The following EYA1 variants were observed in gnomAD, a reference collection of about 807,000 sequenced individuals.
The protein encoded by EYA1 is protein phosphatase EYA1.
A neutral mutation model predicts 82.0 loss-of-function variants in EYA1; 16 were observed. The ratio of observed to expected loss-of-function variants is 0.20; its 90% confidence interval spans 0.13 to 0.30. EYA1 has a LOEUF of 0.30. Ranked by LOEUF, EYA1 falls within the 10% of genes least tolerant of loss-of-function variation. The pLI is 1.00. For synonymous variants in EYA1, 261 were observed against 264.4 expected, an observed-to-expected ratio of 0.99 and a Z score of 0.12; for missense variants, 633 against 730.7, an observed-to-expected ratio of 0.87 and a Z score of 1.54.
intron 2 of EYA1, among the ~76,000 whole-genome samples, chr8:71,509,492 A>G (rs1812440127): frequency 6.6e-6 from 1 of 152,184 alleles, no homozygotes; most frequent in Admixed American, 6.5e-5. Context: ...AGCTATCCCT[A>G]AAATATATTA....
rs111888124 is a variant in EYA1 at position 71,490,222 on chromosome 8, G to A, written c.33+45522C>T. On this transcript the variant is annotated intron_variant, in intron 2 of 18. Transcript: ENST00000643681. ...TTATAAAAGTTGTGGGTGACCTTTA[G>A]TACATAATAATGCCTTAACTTTTGA... 2.4e-3 allele frequency among the ~76,000 whole-genome samples: 361 copies of A among 152,242 alleles called. 3 individuals are homozygous for A. The highest frequency in any genetic ancestry group is 8.3e-3 in the African/African-American group (343 of 41,532).
At chr8:71,353,506 T>C (rs1185846576) in intron 3 of EYA1, among the ~76,000 whole-genome samples, 1 of 152,242 alleles carries the variant, frequency 6.6e-6, no homozygotes, top group Non-Finnish European at 1.5e-5. Context: ...CAATTTTTGA[T>C]AGTACCCATT....
intron 15 of EYA1, 25 bp from the exon 16 acceptor site, chr8:71,215,533 G>T (rs573520848): frequency 6.2e-7 from 1 of 1,612,364 alleles, no homozygotes; most frequent in Non-Finnish European, 8.5e-7. Flanking sequence ...AGAAAACAAA[G>T]ACTGTTGAAA....
chr8:71,242,040 T>C (rs1460619436), intron 12 of EYA1, among the ~76,000 whole-genome samples: 4 of 151,932 alleles, frequency 2.6e-5, no homozygotes, highest in Non-Finnish European at 4.4e-5. Flanking sequence ...GAAACACCGT[T>C]TCTACTAAAA....
chr8:71,204,765 A>G (rs886161309), intron 17 of EYA1, among the ~76,000 whole-genome samples: 1 of 152,244 alleles, frequency 6.6e-6, no homozygotes, highest in Non-Finnish European at 1.5e-5. Context: ...ATGGAATTAC[A>G]AATACTTTTC....
At position 71,274,815 on chromosome 8, in the gene EYA1, AATATGACTGTGTTCC is replaced by A. The variant is rs1259652922; in HGVS notation, c.827-2933_827-2919del. ...AGGACAAATGCACCAGTGAAGAGGG[AATATGACTGTGTTCC>A]AGACAGGGGCATAAGTATGTGTGAA... On this transcript the variant is annotated intron_variant, in intron 9 of 17. Transcript: ENST00000340726. 6.1e-4 allele frequency among the ~76,000 whole-genome samples: 93 copies of A among 152,250 alleles called. 1 individual carries two copies. Among genetic ancestry groups the A allele is most frequent in the African/African-American group, 2.2e-3 (90 of 41,530 alleles).
chr8:71,517,019 C>G (rs1195339215), intron 2 of EYA1, among the ~76,000 whole-genome samples: 1 of 152,092 alleles, frequency 6.6e-6, no homozygotes, highest in African/African-American at 2.4e-5. Flanking sequence ...GTCCTGTTCC[C>G]TCTGGTTCAT....
At chr8:71,361,017 C>T (rs1827324883) in intron 1 of EYA1, among the ~76,000 whole-genome samples, 2 of 152,104 alleles carry the variant, frequency 1.3e-5, no homozygotes, top group African/African-American at 2.4e-5. Flanking sequence ...TCCACTCAAG[C>T]CTTACAAAGT....
intron 6 of EYA1, among the ~76,000 whole-genome samples, 193 bp from the exon 7 acceptor site, chr8:71,317,882 G>T (rs1233333386): frequency 6.6e-6 from 1 of 152,080 alleles, no homozygotes; most frequent in African/African-American, 2.4e-5. Flanking sequence ...TTACAGATTT[G>T]AATGTCTATT....
chr8:71,330,474 C>T (rs1823708200), intron 4 of EYA1, among the ~76,000 whole-genome samples: 1 of 152,160 alleles, frequency 6.6e-6, no homozygotes. Flanking sequence ...AATGCCATCC[C>T]TCTCTCTAAC....
chr8:71,373,226 T>C (rs1052091984), intron 2 of EYA1, among the ~76,000 whole-genome samples: 4 of 152,100 alleles, frequency 2.6e-5, no homozygotes, highest in African/African-American at 9.6e-5. Context: ...TATGATGCTA[T>C]ATGTAGAAAA....
rs1241445382 is a variant in EYA1 at position 71,354,496 on chromosome 8, C to CACA, written c.124+283_124+285dup. Among the ~76,000 whole-genome samples the CACA allele has an allele frequency of 3.9e-5, 6 of 152,210 alleles. No individual in the cohort carries two copies. In the East Asian group the frequency reaches 1.2e-3, roughly 29 times the overall value. ...GTACATGATCAATAAGAAGATAAAA[C>CACA]ACACTCAAAGGTTAAAAATGTTATG... On this transcript the variant is annotated intron_variant, in intron 3 of 17. Transcript: ENST00000340726.
intron 7 of EYA1, among the ~76,000 whole-genome samples, chr8:71,307,283 A>T (rs1394779843): frequency 6.6e-6 from 1 of 152,138 alleles, no homozygotes; most frequent in African/African-American, 2.4e-5. Flanking sequence ...TATTTAACAG[A>T]TTTTATCTGA....
At chr8:71,513,432 A>T (rs1369641302) in intron 2 of EYA1, among the ~76,000 whole-genome samples, 1 of 152,140 alleles carries the variant, frequency 6.6e-6, no homozygotes, top group Admixed American at 6.6e-5. Context: ...AGTCTGTCTG[A>T]AATTGTAGTT....
chr8:71,202,918 T>C (rs1268666143), intron 17 of EYA1, among the ~76,000 whole-genome samples: 1 of 152,200 alleles, frequency 6.6e-6, no homozygotes, highest in African/African-American at 2.4e-5. Context: ...TATTGCACAA[T>C]GATAATATTT....
In EYA1 at chr8:71,476,626, T is replaced by A. The variant is rs536035808; in HGVS notation, c.33+59118A>T. 2.0e-3 allele frequency among the ~76,000 whole-genome samples: 306 copies of A among 152,102 alleles called. 1 individual carries two copies. Among genetic ancestry groups the A allele is most frequent in the African/African-American group, 7.2e-3 (297 of 41,538 alleles). On this transcript the variant is annotated intron_variant, in intron 2 of 18. Transcript: ENST00000643681. ...ATGCTCATGAAATGGAAGATTAATA[T>A]TGTTAAGATGGTAGTACCCCCCAAA...
At chr8:71,505,459 C>A (rs889172154) in intron 2 of EYA1, among the ~76,000 whole-genome samples, 2 of 152,194 alleles carry the variant, frequency 1.3e-5, no homozygotes, top group African/African-American at 2.4e-5. Flanking sequence ...GAAATCTCTT[C>A]TTCTTGCATT....
chr8:71,364,822 T>G (rs1827644094), upstream of EYA1, among the ~76,000 whole-genome samples: 1 of 151,342 alleles, frequency 6.6e-6, no homozygotes, highest in African/African-American at 2.4e-5. Flanking sequence ...ACAGGTTTTA[T>G]GTGACAGAGC....
intron 11 of EYA1, among the ~76,000 whole-genome samples, chr8:71,250,729 G>A (rs942315887): frequency 1.3e-5 from 2 of 152,136 alleles, no homozygotes; most frequent in African/African-American, 4.8e-5. Context: ...TTTAGGCTAT[G>A]ATTCCTTGTT....
Sources: gnomAD v4.1 joint callset for allele counts (sites outside exome capture counted in the v4.1 genomes callset) on GRCh38, gnomAD v4.1.1 for gene constraint, MANE v1.5 for transcripts, NCBI Gene and HGNC (gene_info 2026-07-23, HGNC 2026-07-21) for gene names.